Variants in PRKCI observed in about 807,000 individuals in gnomAD.
The protein encoded by PRKCI is protein kinase C iota.
A neutral mutation model predicts 84.0 loss-of-function variants in PRKCI; 43 were observed. The ratio of observed to expected loss-of-function variants is 0.51; its 90% CI spans 0.40 to 0.66. PRKCI has a LOEUF of 0.66. Ranked by LOEUF, PRKCI falls within the 30% of genes least tolerant of loss-of-function variation. The probability of loss-of-function intolerance (pLI) is 0.00; values close to 1 mark genes in which losing one functional copy is unlikely to be tolerated. For missense variants in PRKCI, 459 were observed against 745.6 expected (o/e 0.62, Z 4.48); for synonymous variants, 216 against 234.4 (o/e 0.92, Z 0.72).
intron 2 of PRKCI, among the ~76,000 whole-genome samples, chr3:170,258,682 G>C (rs1302227319): frequency 1.3e-5 from 2 of 152,176 alleles, no homozygotes; most frequent in African/African-American, 4.8e-5. Context: ...TGTCTGGCTA[G>C]TTGGGTAAGG....
chr3:170,245,447 G>GTT (rs2108841563), intron 2 of PRKCI, among the ~76,000 whole-genome samples: 1 of 152,276 alleles, frequency 6.6e-6, no homozygotes, highest in East Asian at 1.9e-4. Context: ...CGGAAGCATT[G>GTT]TGAGTGGAGA....
intron 2 of PRKCI, among the ~76,000 whole-genome samples, chr3:170,249,049 C>A (rs2108843424): frequency 6.6e-6 from 1 of 152,052 alleles, no homozygotes. Context: ...GGGGTTTCAC[C>A]ATGTTATCCA....
chr3:170,249,486 G>A (rs991210573), intron 2 of PRKCI, among the ~76,000 whole-genome samples: 1 of 152,098 alleles, frequency 6.6e-6, no homozygotes, highest in African/African-American at 2.4e-5. Flanking sequence ...TTCTCACCTG[G>A]AACATTAGAA....
At chr3:170,227,179 GT>G (rs150705612) in intron 1 of PRKCI, among the ~76,000 whole-genome samples, 1 of 151,932 alleles carries the variant, frequency 6.6e-6, no homozygotes, top group African/African-American at 2.4e-5. Context: ...TTTAGTGTCT[GT>G]TTTTTTTATG....
rs780064389 is a variant in PRKCI at position 170,281,860 on chromosome 3, T to C, written c.981-22T>C. On this transcript the variant is annotated intron_variant, in intron 10 of 17. Coordinates refer to ENST00000295797, the MANE Select transcript of PRKCI (RefSeq NM_002740.6). ...TACCTTATTTTGGATCTTGATTTCA[T>C]GGGTTCTCTCCTGTGTTTTAGATTG... 3.2e-6 allele frequency: 5 copies of C among 1,567,092 alleles called. No homozygotes were observed. In the African/African-American group the frequency reaches 6.9e-5, roughly 22 times the overall value.
intron 6 of PRKCI, among the ~76,000 whole-genome samples, chr3:170,271,256 C>T (rs1445416259): frequency 1.3e-5 from 2 of 152,104 alleles, no homozygotes; most frequent in African/African-American, 4.8e-5. Flanking sequence ...TACTAGACAT[C>T]CAGCTCCAAC....
intron 1 of PRKCI, among the ~76,000 whole-genome samples, chr3:170,226,811 G>A (rs186601154): frequency 3.9e-5 from 6 of 152,234 alleles, no homozygotes; most frequent in Non-Finnish European, 7.4e-5. Context: ...TAGCTAATTG[G>A]TCTTAGAGCT....
chr3:170,276,726 G>A (rs1014614755), intron 8 of PRKCI, among the ~76,000 whole-genome samples: 5 of 152,122 alleles, frequency 3.3e-5, no homozygotes, highest in East Asian at 1.9e-4. Context: ...CATTGGCCCC[G>A]GCAAAGAATT....
Position 170,280,742 on chromosome 3 carries a change from A to C in PRKCI, c.882+339A>C, listed in dbSNP as rs975041044. ...TAGGAATATAGGCGTGAGCCACCGCACCCAGCCAAGAGTACTATTTTAAAG... is the reference window on the plus strand; with the variant it reads ...TAGGAATATAGGCGTGAGCCACCGCCCCCAGCCAAGAGTACTATTTTAAAG... On this transcript the variant is annotated intron_variant, in intron 9 of 17. Coordinates refer to ENST00000295797, the MANE Select transcript of PRKCI (RefSeq NM_002740.6). Among the ~76,000 whole-genome samples the C allele has an allele frequency of 3.5e-4, 53 of 152,126 alleles. 1 individual carries two copies. The highest frequency in any genetic ancestry group is 1.3e-4 in the Non-Finnish European group (9 of 68,008).
chr3:170,244,805 T>G (rs1241536688), intron 2 of PRKCI: 2 of 152,298 alleles, frequency 1.3e-5, no homozygotes, highest in African/African-American at 2.4e-5. Flanking sequence ...GCAGTGGTGT[T>G]TACAGCTAAT....
intron 2 of PRKCI, among the ~76,000 whole-genome samples, chr3:170,251,459 A>T (rs1733442382): frequency 6.6e-6 from 1 of 152,234 alleles, no homozygotes; most frequent in African/African-American, 2.4e-5. Flanking sequence ...AAATGCCAAG[A>T]AGAAATAGAT....
chr3:170,245,033 G>C (rs1191610278), intron 2 of PRKCI, among the ~76,000 whole-genome samples: 1 of 151,880 alleles, frequency 6.6e-6, no homozygotes, highest in East Asian at 1.9e-4. Flanking sequence ...TTACATTCTT[G>C]GTCTTACTGG....
chr3:170,270,506 A>G lies in PRKCI; in HGVS notation c.536A>G (p.His179Arg). 3 of 1,614,014 alleles carry G rather than the reference A, an allele frequency of 1.9e-6. No homozygotes were observed. Among genetic ancestry groups the G allele is most frequent in the Non-Finnish European group, 2.5e-6 (3 of 1,179,944 alleles). Reference protein sequence around the residue: ...YKCINCKLLVHKKCHKLVTIE... With the variant: ...YKCINCKLLVRKKCHKLVTIE... ...TGCATCAACTGCAAACTCTTGGTTC[A>G]TAAGAAGTGCCATAAACTCGTCACA... The change falls in exon 6 of 18, where the codon CAT becomes CGT. Residue 179 changes from histidine (H) to arginine (R), a missense_variant. Physicochemically the swap from His to Arg is conservative, Grantham distance 29. Around this residue, in one of 2 missense-constraint regions of PRKCI, gnomAD observed 250 missense variants for 319.7 expected, o/e 0.78. Coordinates refer to ENST00000295797, the MANE Select transcript of PRKCI (RefSeq NM_002740.6).
At chr3:170,245,850 A>T (rs1282674099) in intron 2 of PRKCI, among the ~76,000 whole-genome samples, 1 of 151,194 alleles carries the variant, frequency 6.6e-6, no homozygotes, top group Non-Finnish European at 1.5e-5. Flanking sequence ...GCACACCATG[A>T]CTCCTGGCTC....
chr3:170,239,551 G>A (rs917064919), intron 2 of PRKCI, among the ~76,000 whole-genome samples: 10 of 152,088 alleles, frequency 6.6e-5, no homozygotes, highest in South Asian at 2.1e-4. Context: ...ACTTAGTTTA[G>A]CGATAGTCCA....
chr3:170,247,860 T>G (rs544347063), intron 2 of PRKCI, among the ~76,000 whole-genome samples: 21 of 151,862 alleles, frequency 1.4e-4, no homozygotes, highest in Non-Finnish European at 2.8e-4. Flanking sequence ...TCACTACTGT[T>G]GTTATTGGGC....
At chr3:170,291,589 C>CAG (rs1386129162) in intron 12 of PRKCI, 6 of 323,474 alleles carry the variant, frequency 1.9e-5, no homozygotes, top group Admixed American at 1.2e-4. Context: ...TCCAGCTACT[C>CAG]AGGAGGCTGA....
At chr3:170,282,833 G>A (rs796664736) in intron 11 of PRKCI, among the ~76,000 whole-genome samples, 9 of 150,588 alleles carry the variant, frequency 6.0e-5, no homozygotes, top group East Asian at 2.0e-4. Flanking sequence ...TAGGCCAGGC[G>A]CAGTGGCTCA....
chr3:170,256,913 T>C (rs1733596826), intron 2 of PRKCI, among the ~76,000 whole-genome samples: 1 of 152,170 alleles, frequency 6.6e-6, no homozygotes, highest in Non-Finnish European at 1.5e-5. Flanking sequence ...ATTTTTTTCT[T>C]AATTTTGTAT....
Sources: gnomAD v4.1 joint callset for allele counts (sites outside exome capture counted in the v4.1 genomes callset) on GRCh38, gnomAD v4.1.1 for gene constraint, gnomAD v4.1.1 regional missense constraint, MANE v1.5 for transcripts, NCBI Gene and HGNC (gene_info 2026-07-23, HGNC 2026-07-21) for gene names.